Variants in ASIC2 observed in about 807,000 individuals in gnomAD.
The protein encoded by ASIC2 is acid-sensing ion channel 2.
A neutral mutation model predicts 57.3 loss-of-function variants in ASIC2; 25 were observed. That is an observed-to-expected ratio of 0.44 (90% confidence interval 0.32 to 0.61). The LOEUF (loss-of-function observed/expected upper bound fraction) is 0.61, where lower values mean the gene tolerates loss of function less well. Among genes scored for constraint, ASIC2 ranks in the 20% least tolerant of loss-of-function variants. The pLI is 0.06. For synonymous variants in ASIC2, 319 were observed against 307.5 expected (o/e 1.04, Z -0.39); for missense variants, 641 against 738.1 (o/e 0.87, Z 1.52).
At chr17:33,996,612 C>A (rs1282398398) in intron 1 of ASIC2, among the ~76,000 whole-genome samples, 1 of 152,168 alleles carries the variant, frequency 6.6e-6, no homozygotes, top group Admixed American at 6.5e-5. Context: ...AGAACAAAGA[C>A]TGTCCTTCTC....
intron 1 of ASIC2, among the ~76,000 whole-genome samples, chr17:33,153,661 T>TA (rs536714908): frequency 5.3e-5 from 8 of 152,338 alleles, no homozygotes; most frequent in Non-Finnish European, 8.8e-5. Flanking sequence ...ATTTCATGTC[T>TA]ATGGTGAACA....
intron 1 of ASIC2, chr17:34,039,126 A>T: frequency 1.2e-6 from 2 of 1,614,004 alleles, no homozygotes; most frequent in Non-Finnish European, 8.5e-7. Context: ...GCTGTTCATC[A>T]ATCTGCCGTC....
chr17:33,435,574 G>C (rs1911582220), intron 1 of ASIC2, among the ~76,000 whole-genome samples: 1 of 152,152 alleles, frequency 6.6e-6, no homozygotes, highest in Non-Finnish European at 1.5e-5. Context: ...GAGAATGAGG[G>C]AGCCAGTCAT....
At chr17:33,283,607 G>A (rs1905044034) in intron 1 of ASIC2, among the ~76,000 whole-genome samples, 1 of 152,122 alleles carries the variant, frequency 6.6e-6, no homozygotes, top group Non-Finnish European at 1.5e-5. Context: ...ATCTCAAACC[G>A]ACACTGACCA....
At chr17:33,942,705 A>G (rs1916218982) in intron 1 of ASIC2, among the ~76,000 whole-genome samples, 1 of 152,124 alleles carries the variant, frequency 6.6e-6, no homozygotes. Context: ...CTGACTTCAC[A>G]TTTTGCTAGA....
At chr17:33,309,141 C>T (rs1412055396) in intron 1 of ASIC2, among the ~76,000 whole-genome samples, 1 of 152,024 alleles carries the variant, frequency 6.6e-6, no homozygotes, top group Non-Finnish European at 1.5e-5. Context: ...TTTCTGCCAC[C>T]AACTCCTTTT....
At chr17:33,262,450 G>T (rs528678466) in intron 1 of ASIC2, among the ~76,000 whole-genome samples, 28 of 151,796 alleles carry the variant, frequency 1.8e-4, no homozygotes, top group Non-Finnish European at 3.8e-4. Context: ...AGGAAGGGAA[G>T]GAGGGAGGCA....
chr17:33,317,018 G>A (rs964796079), intron 1 of ASIC2, among the ~76,000 whole-genome samples: 2 of 152,220 alleles, frequency 1.3e-5, no homozygotes, highest in Non-Finnish European at 2.9e-5. Flanking sequence ...AGAGACCTGG[G>A]TCCAGTTGCC....
intron 1 of ASIC2, among the ~76,000 whole-genome samples, chr17:33,951,589 T>A (rs1191723458): frequency 6.6e-6 from 1 of 151,952 alleles, no homozygotes; most frequent in East Asian, 1.9e-4. Context: ...CTTTTCTTTT[T>A]TTCTTTTTTT....
chr17:33,640,364 C>T (rs1042182047), intron 1 of ASIC2, among the ~76,000 whole-genome samples: 2 of 152,156 alleles, frequency 1.3e-5, no homozygotes, highest in Non-Finnish European at 1.5e-5. Context: ...CTTTGCATTT[C>T]GCCAAAAGAC....
At chr17:34,048,733 G>A (rs1908429419) in intron 1 of ASIC2, among the ~76,000 whole-genome samples, 1 of 152,182 alleles carries the variant, frequency 6.6e-6, no homozygotes, top group African/African-American at 2.4e-5. Context: ...GAGAGGGCAT[G>A]GCGTGCTATG....
At chr17:34,062,677 A>C (rs979296859) in intron 1 of ASIC2, among the ~76,000 whole-genome samples, 5 of 152,182 alleles carry the variant, frequency 3.3e-5, no homozygotes, top group African/African-American at 9.6e-5. Context: ...CTAAGAAATG[A>C]AAAAGTATAT....
At chr17:34,124,149 T>C (rs1342547089) in intron 1 of ASIC2, among the ~76,000 whole-genome samples, 1 of 152,164 alleles carries the variant, frequency 6.6e-6, no homozygotes, top group Admixed American at 6.5e-5. Context: ...TGGTATTATT[T>C]TTCTCACCAT....
chr17:34,098,905 A>G (rs547513761), intron 1 of ASIC2, among the ~76,000 whole-genome samples: 7 of 152,006 alleles, frequency 4.6e-5, no homozygotes, highest in African/African-American at 7.3e-5. Flanking sequence ...AGTGATTTCC[A>G]TACCGTGTGA....
chr17:33,425,613 G>A (rs978220376), intron 1 of ASIC2, among the ~76,000 whole-genome samples: 6 of 152,260 alleles, frequency 3.9e-5, no homozygotes, highest in South Asian at 4.2e-4. Flanking sequence ...GAGCCTCGAA[G>A]GATGAGTAGG....
intron 1 of ASIC2, among the ~76,000 whole-genome samples, chr17:33,732,972 C>G (rs960112822): frequency 1.3e-5 from 2 of 152,154 alleles, no homozygotes; most frequent in African/African-American, 4.8e-5. Context: ...CATTAAGTAT[C>G]TTTGAAAGGA....
chr17:33,291,960 C>T lies in ASIC2; in HGVS notation c.156G>A (p.Gly52=). 7.0e-7 allele frequency: 1 copy of T among 1,434,414 alleles called. No homozygotes were observed. Among genetic ancestry groups the T allele is most frequent in the Non-Finnish European group, 9.0e-7 (1 of 1,105,102 alleles). 88.9% of individuals were successfully genotyped at this position (1,434,414 alleles called of 1,614,324 possible). A position where few individuals can be genotyped will look rare whatever the true frequency, so the allele number is the denominator to read the frequency against. Reference sequence around the variant, plus strand: ...GCGATGGCCGCCCCCTGCGGGCGACCCCTGGCCCCTGCAGCGCCCGCTCGC... The same window carrying T: ...GCGATGGCCGCCCCCTGCGGGCGACTCCTGGCCCCTGCAGCGCCCGCTCGC... The part of the protein sequence containing the change: ...RGGERALQGP[G]VARRGRPSLS... Residue 52 remains glycine (G), a synonymous_variant, in exon 1 of 10, where the codon GGG becomes GGA. Transcript: ENST00000225823.
chr17:33,426,558 G>A (rs1216935987), intron 1 of ASIC2, among the ~76,000 whole-genome samples: 1 of 152,208 alleles, frequency 6.6e-6, no homozygotes, highest in Non-Finnish European at 1.5e-5. Context: ...TGGATACCAG[G>A]CATGAGTGGG....
At chr17:34,096,364 A>C (rs1403433002) in intron 1 of ASIC2, among the ~76,000 whole-genome samples, 2 of 152,152 alleles carry the variant, frequency 1.3e-5, no homozygotes, top group African/African-American at 4.8e-5. Flanking sequence ...TAACCACAAG[A>C]AGCTCATATG....
Sources: allele counts gnomAD v4.1 joint callset (sites outside exome capture counted in the v4.1 genomes callset), GRCh38; gene constraint gnomAD v4.1.1; transcripts MANE v1.5; gene names NCBI Gene and HGNC (gene_info 2026-07-23, HGNC 2026-07-21).